Variants in LHFPL6 observed in about 807,000 individuals in gnomAD.
LHFPL6 encodes the protein LHFPL tetraspan subfamily member 6.
In LHFPL6, 9 loss-of-function variants were observed where a neutral mutation model predicts 20.6. The observed-to-expected ratio is 0.44, with a 90% CI of 0.26 to 0.76. The LOEUF is 0.76. Among genes scored for constraint, LHFPL6 ranks in the 30% least tolerant of loss-of-function variants. The pLI is 0.20. For missense variants in LHFPL6, 218 were observed against 253.5 expected, an observed-to-expected ratio of 0.86 and a Z score of 0.95; for synonymous variants, 105 against 98.7, an observed-to-expected ratio of 1.06 and a Z score of -0.38.
chr13:39,404,681 G>T lies in LHFPL6; in HGVS notation c.386-26155C>A, dbSNP rs181028515. Among the ~76,000 whole-genome samples, 361 of 152,216 alleles carry T rather than the reference G, an allele frequency of 2.4e-3. 2 individuals are homozygous for T. Among genetic ancestry groups the T allele is most frequent in the African/African-American group, 8.2e-3 (341 of 41,520 alleles). ...TCAACAATCACTCCAGCTAATTTAG[G>T]TTTCTCTGCCATTTATGAGCTCCAT... On this transcript the variant is annotated intron_variant, in intron 2 of 3. Coordinates refer to ENST00000379589, the MANE Select transcript of LHFPL6 (RefSeq NM_005780.3).
intron 2 of LHFPL6, among the ~76,000 whole-genome samples, chr13:39,494,195 A>G (rs1869023389): frequency 6.6e-6 from 1 of 152,238 alleles, no homozygotes; most frequent in East Asian, 1.9e-4. Context: ...GTGAAAAGGC[A>G]GGAAGCACTG....
At chr13:39,480,134 T>C (rs1218217885) in intron 2 of LHFPL6, among the ~76,000 whole-genome samples, 2 of 152,170 alleles carry the variant, frequency 1.3e-5, no homozygotes, top group Non-Finnish European at 1.5e-5. Context: ...CACAGATTCT[T>C]CCATGTGCCA....
Position 39,591,327 on chromosome 13 carries a change from G to A in LHFPL6, c.385+9505C>T, listed in dbSNP as rs537565234. Among the ~76,000 whole-genome samples the A allele has an allele frequency of 2.0e-5, 3 of 152,260 alleles. No homozygotes were observed. In the East Asian group the frequency reaches 5.8e-4, roughly 29 times the overall value. ...TGGTGGGGTTTGCAATTTGTAGCTG[G>A]AGTCATACATCAAAATATGGTCCTC... is the stretch of plus-strand genomic sequence containing the variant. On this transcript the variant is annotated intron_variant, in intron 2 of 3. Transcript: ENST00000379589.
intron 2 of LHFPL6, among the ~76,000 whole-genome samples, chr13:39,457,789 G>A (rs1872605054): frequency 6.6e-6 from 1 of 152,178 alleles, no homozygotes; most frequent in Non-Finnish European, 1.5e-5. Flanking sequence ...TAAAATAGGT[G>A]AATTGTATTG....
chr13:39,421,222 C>T (rs1871476267), intron 2 of LHFPL6, among the ~76,000 whole-genome samples: 1 of 152,148 alleles, frequency 6.6e-6, no homozygotes, highest in African/African-American at 2.4e-5. Flanking sequence ...CCAAAATTCA[C>T]CAAAGTGATG....
chr13:39,473,843 G>C (rs1451974598), intron 2 of LHFPL6, among the ~76,000 whole-genome samples: 2 of 152,142 alleles, frequency 1.3e-5, no homozygotes, highest in Non-Finnish European at 2.9e-5. Context: ...ATCTCCTTTG[G>C]ATTCTTCTTG....
intron 2 of LHFPL6, among the ~76,000 whole-genome samples, chr13:39,569,148 T>TGGATGGACGGACAGACGGACGGACGGAC (rs71080313): frequency 2.8e-5 from 4 of 144,396 alleles, no homozygotes; most frequent in African/African-American, 1.0e-4. Flanking sequence ...GATGGATGGA[T>TGGATGGACGGACAGACGGACGGACGGAC]GGACGGACGG....
intron 2 of LHFPL6, among the ~76,000 whole-genome samples, chr13:39,569,682 C>T (rs941451762): frequency 2.6e-5 from 4 of 152,034 alleles, no homozygotes. Context: ...TCTTTATGAT[C>T]AAAATGGAAA....
rs181631342 is a variant in LHFPL6, at chr13:39,557,127, A to G, written c.385+43705T>C. 7.9e-5 allele frequency among the ~76,000 whole-genome samples: 12 copies of G among 152,300 alleles called. No individual in the cohort carries two copies. The East Asian group carries it at 2.1e-3, about 27-fold the overall frequency. Reference sequence around the variant, plus strand: ...AAGTGTTACTATCCAAGACAACAAGAAAAAGGCCTAGAAAGCATTTCAGAA... The same window carrying G: ...AAGTGTTACTATCCAAGACAACAAGGAAAAGGCCTAGAAAGCATTTCAGAA... On this transcript the variant is annotated intron_variant, in intron 2 of 3. Transcript: ENST00000379589.
chr13:39,505,707 T>C (rs1869454444), intron 2 of LHFPL6, among the ~76,000 whole-genome samples: 1 of 152,202 alleles, frequency 6.6e-6, no homozygotes, highest in Non-Finnish European at 1.5e-5. Flanking sequence ...TTGGGGGTGC[T>C]GTGGAGGGAT....
chr13:39,598,331 A>C (rs1156803522), intron 2 of LHFPL6, among the ~76,000 whole-genome samples: 1 of 151,618 alleles, frequency 6.6e-6, no homozygotes, highest in Non-Finnish European at 1.5e-5. Context: ...TAACAGTGAT[A>C]AACAGCAGAT....
intron 2 of LHFPL6, among the ~76,000 whole-genome samples, chr13:39,383,774 T>C (rs1199204401): frequency 6.6e-6 from 1 of 152,174 alleles, no homozygotes. Context: ...TCACGTGGAA[T>C]ATAAAAAATA....
chr13:39,407,225 T>C (rs979302779), intron 2 of LHFPL6, among the ~76,000 whole-genome samples: 1 of 152,222 alleles, frequency 6.6e-6, no homozygotes, highest in Non-Finnish European at 1.5e-5. Context: ...AAAAATTCTG[T>C]ACTGACCAAG....
chr13:39,346,160 C>A (rs950405822), intron 3 of LHFPL6, among the ~76,000 whole-genome samples: 1 of 152,096 alleles, frequency 6.6e-6, no homozygotes, highest in Non-Finnish European at 1.5e-5. Flanking sequence ...GTGCCCCAGG[C>A]GCAGATAAAA....
intron 2 of LHFPL6, among the ~76,000 whole-genome samples, chr13:39,429,304 G>T (rs1355936787): frequency 1.3e-5 from 2 of 151,088 alleles, no homozygotes; most frequent in African/African-American, 4.9e-5. Flanking sequence ...CATGTATTTT[G>T]AAGCTCTATA....
At chr13:39,467,357 T>C (rs576239061) in intron 2 of LHFPL6, among the ~76,000 whole-genome samples, 5 of 152,302 alleles carry the variant, frequency 3.3e-5, no homozygotes, top group South Asian at 2.1e-4. Context: ...ATTTTCAACA[T>C]TCATCTTTCA....
intron 2 of LHFPL6, among the ~76,000 whole-genome samples, chr13:39,574,578 T>C (rs1043166915): frequency 5.3e-5 from 8 of 152,192 alleles, no homozygotes; most frequent in Non-Finnish European, 1.0e-4. Context: ...ATTCATTAAT[T>C]GATTATTCAA....
chr13:39,596,718 T>C (rs1872783082), intron 2 of LHFPL6, among the ~76,000 whole-genome samples: 1 of 152,030 alleles, frequency 6.6e-6, no homozygotes, highest in Non-Finnish European at 1.5e-5. Context: ...TCTACATTTC[T>C]TTAAATTAGA....
intron 3 of LHFPL6, among the ~76,000 whole-genome samples, chr13:39,345,057 T>G (rs765847882): frequency 6.6e-6 from 1 of 152,236 alleles, no homozygotes; most frequent in Non-Finnish European, 1.5e-5. Context: ...ACTTTCTGCT[T>G]CAATTCTAAT....
Sources: allele counts gnomAD v4.1 joint callset (sites outside exome capture counted in the v4.1 genomes callset), GRCh38; gene constraint gnomAD v4.1.1; transcripts MANE v1.5; gene names NCBI Gene and HGNC (gene_info 2026-07-23, HGNC 2026-07-21).